PCDHGA7: variants seen among roughly 807,000 people sequenced by gnomAD.
The protein encoded by PCDHGA7 is protocadherin gamma-A7.
In PCDHGA7, 44 loss-of-function variants were observed where a neutral mutation model predicts 58.3. The observed-to-expected ratio is 0.75, with a 90% CI of 0.59 to 0.97. The LOEUF is 0.97. Ranked by LOEUF, PCDHGA7 falls within the 50% of genes least tolerant of loss-of-function variation. The pLI is 0.00. For missense variants in PCDHGA7, 1,266 were observed against 1,188.7 expected (o/e 1.06, Z -0.96); for synonymous variants, 516 against 504.2 (o/e 1.02, Z -0.31).
At chr5:141,436,042 T>A (rs1246680632) in intron 1 of PCDHGA7, among the ~76,000 whole-genome samples, 4 of 152,182 alleles carry the variant, frequency 2.6e-5, no homozygotes, top group Non-Finnish European at 5.9e-5. Context: ...TGTATTTACA[T>A]TAGTTTTCAA....
intron 1 of PCDHGA7, among the ~76,000 whole-genome samples, chr5:141,439,371 TA>T (rs1008614540): frequency 7.2e-5 from 11 of 152,034 alleles, no homozygotes; most frequent in Non-Finnish European, 1.0e-4. Flanking sequence ...CAAGAAGAAA[TA>T]AAAATAAGTC....
intron 1 of PCDHGA7, chr5:141,394,742 G>T: frequency 1.2e-6 from 2 of 1,613,420 alleles, no homozygotes; most frequent in Non-Finnish European, 1.7e-6. Flanking sequence ...AGAGCCTCGT[G>T]GTGGCCGTCC....
chr5:141,465,801 C>T (rs1380215288), intron 1 of PCDHGA7, among the ~76,000 whole-genome samples: 2 of 151,400 alleles, frequency 1.3e-5, no homozygotes, highest in Non-Finnish European at 2.9e-5. Context: ...TTAAGAAACC[C>T]TTCAGGATCT....
intron 1 of PCDHGA7, chr5:141,395,370 G>A (rs377682598): frequency 1.7e-6 from 2 of 1,207,198 alleles, no homozygotes; most frequent in South Asian, 1.7e-5. Flanking sequence ...GTTTATTTTG[G>A]TGGTGTTACT....
chr5:141,413,322 G>A, intron 1 of PCDHGA7: 2 of 1,613,940 alleles, frequency 1.2e-6, no homozygotes, highest in Non-Finnish European at 1.7e-6. Flanking sequence ...GCTCTTTCGT[G>A]GGCAACATCT....
chr5:141,383,007 G>A lies in PCDHGA7; in HGVS notation c.108G>A (p.Ser36=), dbSNP rs1047921009. The A allele has an allele frequency of 6.2e-7, 1 of 1,613,748 alleles. No homozygotes were observed. The highest frequency in any genetic ancestry group is 8.5e-7 in the Non-Finnish European group (1 of 1,179,860). ...AWAGRILYSV[S]EETDKGSFVG... ...CAGGACGTATTCTCTACTCCGTGTC[G>A]GAGGAGACGGACAAAGGGTCCTTTG... The change falls in exon 1 of 4, where the codon TCG becomes TCA. Residue 36 remains serine, a synonymous_variant. Coordinates refer to ENST00000518325, the MANE Select transcript of PCDHGA7 (RefSeq NM_018920.4).
At chr5:141,405,472 T>G in intron 1 of PCDHGA7, 1 of 1,056,196 alleles carries the variant, frequency 9.5e-7, no homozygotes, top group Non-Finnish European at 1.4e-6. Context: ...CAGGCTGGAA[T>G]GCAGTGGTGT....
chr5:141,481,622 G>A (rs957374253), intron 1 of PCDHGA7, among the ~76,000 whole-genome samples: 6 of 151,854 alleles, frequency 4.0e-5, no homozygotes, highest in African/African-American at 1.2e-4. Flanking sequence ...GTTCAAGACC[G>A]GCCTGGCCAA....
At chr5:141,408,947 ATTAGTC>A in intron 1 of PCDHGA7, 6 of 1,613,666 alleles carry the variant, frequency 3.7e-6, no homozygotes, top group Non-Finnish European at 5.1e-6. Context: ...CGAATATAGA[ATTAGTC>A]TTAGTGAAAA....
At chr5:141,453,700 G>A (rs953445370) in intron 1 of PCDHGA7, among the ~76,000 whole-genome samples, 1 of 152,166 alleles carries the variant, frequency 6.6e-6, no homozygotes, top group Non-Finnish European at 1.5e-5. Flanking sequence ...TCCTGGCTTT[G>A]AACAGTTTCA....
In PCDHGA7 at chr5:141,432,126, C is replaced by G. The variant is rs750150518; in HGVS notation, c.2424+46803C>G. 12 of 1,614,026 alleles carry G rather than the reference C, an allele frequency of 7.4e-6. No homozygotes were observed. Among genetic ancestry groups the G allele is most frequent in the South Asian group, 4.4e-5 (4 of 91,062 alleles). On this transcript the variant is annotated intron_variant, in intron 1 of 3. Transcript: ENST00000518325. The surrounding 1 kb of genome is among the most constrained non-coding windows in gnomAD (Gnocchi z 6.0). ...AACCCGCCGGTCTTCCCTCAGGCCT[C>G]CTATTCCGCTTATATCCCAGAGAAC...
At chr5:141,421,788 G>C (rs1262781272) in intron 1 of PCDHGA7, 7 of 1,613,682 alleles carry the variant, frequency 4.3e-6, no homozygotes, top group Admixed American at 3.3e-5. Flanking sequence ...GGGGCAGAAC[G>C]GATGGGGCCA....
chr5:141,497,005 A>T (rs1249733879), intron 2 of PCDHGA7, among the ~76,000 whole-genome samples: 1 of 152,134 alleles, frequency 6.6e-6, no homozygotes, highest in Non-Finnish European at 1.5e-5. Context: ...GGCAGCCAAC[A>T]TGGTGAAACC....
chr5:141,501,618 T>G (rs1307485559), intron 2 of PCDHGA7, among the ~76,000 whole-genome samples: 2 of 152,068 alleles, frequency 1.3e-5, no homozygotes, highest in African/African-American at 4.8e-5. Flanking sequence ...GTGACTCTGG[T>G]ATAGTCTCTC....
intron 1 of PCDHGA7, chr5:141,415,906 A>C (rs2154546200): frequency 1.3e-6 from 1 of 784,990 alleles, no homozygotes; most frequent in East Asian, 3.5e-5. Context: ...ACAGACTTCC[A>C]TACAGAAGTG....
At chr5:141,471,926 G>T (rs2099266798) in intron 1 of PCDHGA7, among the ~76,000 whole-genome samples, 1 of 152,110 alleles carries the variant, frequency 6.6e-6, no homozygotes, top group African/African-American at 2.4e-5. Flanking sequence ...AATTTTGGGG[G>T]TGATGAGAGT....
chr5:141,417,824 G>A (rs2096165363), intron 1 of PCDHGA7: 4 of 1,518,120 alleles, frequency 2.6e-6, no homozygotes, highest in Non-Finnish European at 3.5e-6. Context: ...TTCTCCAACT[G>A]GAAAAGCGGG....
At chr5:141,422,465 G>A in intron 1 of PCDHGA7, 1 of 1,613,508 alleles carries the variant, frequency 6.2e-7, no homozygotes, top group Non-Finnish European at 8.5e-7. Flanking sequence ...GTGCTGGACA[G>A]GGAGTTGGTC....
intron 1 of PCDHGA7, chr5:141,391,548 C>T (rs1045663791): frequency 6.6e-6 from 1 of 152,106 alleles, no homozygotes; most frequent in African/African-American, 2.4e-5. Flanking sequence ...ATTGTCTACC[C>T]AGTTTTCCAT....
Sources: gnomAD v4.1 joint callset for allele counts (sites outside exome capture counted in the v4.1 genomes callset) on GRCh38, gnomAD v4.1.1 for gene constraint, Gnocchi (gnomAD v3.1) non-coding constraint, MANE v1.5 for transcripts, NCBI Gene and HGNC (gene_info 2026-07-23, HGNC 2026-07-21) for gene names.